RBFOX1: variants seen among roughly 807,000 people sequenced by gnomAD.
RBFOX1 encodes the protein RNA binding protein fox-1 homolog 1.
Under a neutral mutation model 57.7 loss-of-function variants are expected in RBFOX1, and 8 were observed. That is an observed-to-expected ratio of 0.14 (90% CI 0.08 to 0.25). The LOEUF (loss-of-function observed/expected upper bound fraction) is 0.25. Ranked by LOEUF, RBFOX1 falls within the 10% of genes least tolerant of loss-of-function variation. The probability of loss-of-function intolerance (pLI) is 1.00; values close to 1 mark genes in which losing one functional copy is unlikely to be tolerated. For missense variants in RBFOX1, 611 were observed against 548.5 expected, an observed-to-expected ratio of 1.11 and a Z score of -1.14; for synonymous variants, 326 against 222.4, an observed-to-expected ratio of 1.47 and a Z score of -4.15.
chr16:7,462,999 C>T (rs994205296), intron 4 of RBFOX1, among the ~76,000 whole-genome samples: 5 of 152,136 alleles, frequency 3.3e-5, no homozygotes, highest in African/African-American at 1.2e-4. Context: ...TTGTCTTAGC[C>T]TGCTTGGGCT....
intron 3 of RBFOX1, among the ~76,000 whole-genome samples, chr16:6,774,378 A>C (rs1368938386): frequency 6.6e-6 from 1 of 152,174 alleles, no homozygotes; most frequent in African/African-American, 2.4e-5. Flanking sequence ...AGGCATAACA[A>C]ATTGAGCAAT....
At chr16:6,066,217 T>C (rs566971988) in intron 1 of RBFOX1, among the ~76,000 whole-genome samples, 275 of 130,034 alleles carry the variant, frequency 2.1e-3, no homozygotes, top group African/African-American at 8.1e-3. Context: ...TTGCTTGAAC[T>C]GGGGGGGTTG....
rs571696409 is a variant in RBFOX1, at chr16:5,354,401, T to C, written c.220-112815T>C. 1.3e-3 allele frequency among the ~76,000 whole-genome samples: 194 copies of C among 152,304 alleles called. 1 individual carries two copies. The highest frequency in any genetic ancestry group is 4.5e-3 in the African/African-American group (189 of 41,554). On this transcript the variant is annotated intron_variant, in intron 1 of 2. Coordinates refer to the RBFOX1 transcript ENST00000585867. ...TGAATTACAACCCAGACTGTACCAC[T>C]TATGGGCCATGTGACCTTAGGCAAG... is the stretch of plus-strand genomic sequence containing the variant.
At chr16:7,558,955 T>C (rs1384575415) in intron 5 of RBFOX1, among the ~76,000 whole-genome samples, 1 of 152,220 alleles carries the variant, frequency 6.6e-6, no homozygotes, top group Non-Finnish European at 1.5e-5. Flanking sequence ...TTTTGAAGAT[T>C]TTTTTCCCTA....
chr16:6,401,065 T>C (rs914215327), intron 2 of RBFOX1, among the ~76,000 whole-genome samples: 5 of 152,144 alleles, frequency 3.3e-5, no homozygotes, highest in South Asian at 2.1e-4. Flanking sequence ...CTAAATATCA[T>C]TAATCATTAA....
intron 3 of RBFOX1, among the ~76,000 whole-genome samples, chr16:6,849,593 C>T (rs1188891226): frequency 6.6e-6 from 1 of 152,164 alleles, no homozygotes; most frequent in East Asian, 1.9e-4. Flanking sequence ...TGCTTGAATG[C>T]AGGAGGCGGA....
chr16:7,260,975 C>G (rs1392008465), intron 4 of RBFOX1, among the ~76,000 whole-genome samples: 1 of 152,140 alleles, frequency 6.6e-6, no homozygotes, highest in Non-Finnish European at 1.5e-5. Flanking sequence ...CAAGAAAGTT[C>G]ATGGCAAAAG....
intron 3 of RBFOX1, among the ~76,000 whole-genome samples, chr16:5,648,427 C>G (rs889791456): frequency 6.6e-6 from 1 of 152,168 alleles, no homozygotes; most frequent in African/African-American, 2.4e-5. Flanking sequence ...ACTGGGCTGA[C>G]ATAGGTTTCA....
At chr16:6,503,239 T>A (rs1405562908) in intron 2 of RBFOX1, among the ~76,000 whole-genome samples, 2 of 152,168 alleles carry the variant, frequency 1.3e-5, no homozygotes, top group African/African-American at 4.8e-5. Context: ...AAATAAATCT[T>A]AAGCACAGCC....
chr16:6,275,155 T>C (rs2152684698), intron 1 of RBFOX1, among the ~76,000 whole-genome samples: 1 of 152,036 alleles, frequency 6.6e-6, no homozygotes, highest in East Asian at 1.9e-4. Context: ...GCTTGCAAAG[T>C]TAGTATATAG....
At chr16:6,823,672 A>C (rs1394236841) in intron 3 of RBFOX1, among the ~76,000 whole-genome samples, 1 of 152,164 alleles carries the variant, frequency 6.6e-6, no homozygotes, top group East Asian at 1.9e-4. Context: ...GGTCAGTGGA[A>C]ATCATTCTTC....
intron 1 of RBFOX1, among the ~76,000 whole-genome samples, chr16:5,355,496 G>C (rs1262103043): frequency 6.6e-6 from 1 of 152,212 alleles, no homozygotes; most frequent in Non-Finnish European, 1.5e-5. Context: ...CCCGGGGCCT[G>C]AGGTCAGCTG....
intron 2 of RBFOX1, among the ~76,000 whole-genome samples, chr16:5,481,645 T>G (rs2069545767): frequency 6.6e-6 from 1 of 152,236 alleles, no homozygotes; most frequent in Non-Finnish European, 1.5e-5. Flanking sequence ...CCCTAAAATG[T>G]CACAGTCAGC....
intron 10 of RBFOX1, among the ~76,000 whole-genome samples, chr16:7,611,989 T>C (rs1347997687): frequency 6.6e-6 from 1 of 152,148 alleles, no homozygotes; most frequent in Non-Finnish European, 1.5e-5. Context: ...TAATTTCTTC[T>C]AAAATCTAAT....
intron 1 of RBFOX1, among the ~76,000 whole-genome samples, chr16:6,226,736 C>G (rs72776418): frequency 0.033 from 5,020 of 152,000 alleles, 116 homozygotes; most frequent in Middle Eastern, 0.058. Context: ...AGGCTTTGAC[C>G]CTCACTTTCT....
chr16:7,264,228 T>C (rs2095042472), intron 4 of RBFOX1, among the ~76,000 whole-genome samples: 1 of 151,906 alleles, frequency 6.6e-6, no homozygotes, highest in Admixed American at 6.6e-5. Flanking sequence ...ACAAGGTAAA[T>C]ATGAAGGAAA....
intron 3 of RBFOX1, among the ~76,000 whole-genome samples, chr16:5,736,820 T>C (rs1232735224): frequency 6.6e-6 from 1 of 151,784 alleles, no homozygotes; most frequent in African/African-American, 2.4e-5. Context: ...TTTTTCATTC[T>C]TTTTTCCCTC....
chr16:5,859,647 C>A (rs569473367), intron 3 of RBFOX1, among the ~76,000 whole-genome samples: 4 of 152,218 alleles, frequency 2.6e-5, no homozygotes, highest in African/African-American at 7.2e-5. Flanking sequence ...GAGGATAAAA[C>A]TCTGCCTACC....
At chr16:5,955,001 C>G (rs912248346) in intron 4 of RBFOX1, among the ~76,000 whole-genome samples, 35 of 150,684 alleles carry the variant, frequency 2.3e-4, no homozygotes, top group African/African-American at 7.1e-4. Flanking sequence ...GTCTTTCTAG[C>G]TGGACGTGGC....
Sources: gnomAD v4.1 joint callset for allele counts (sites outside exome capture counted in the v4.1 genomes callset) on GRCh38, gnomAD v4.1.1 for gene constraint, MANE v1.5 for transcripts, NCBI Gene and HGNC (gene_info 2026-07-23, HGNC 2026-07-21) for gene names.